The following CDC42BPB variants were observed in gnomAD, a reference collection of about 807,000 sequenced individuals.
CDC42BPB encodes CDC42 binding protein kinase beta.
Under a neutral mutation model 214.9 loss-of-function variants are expected in CDC42BPB, and 37 were observed. The ratio of observed to expected loss-of-function variants is 0.17; its 90% CI spans 0.13 to 0.23. The LOEUF is 0.23. Among genes scored for constraint, CDC42BPB ranks in the 10% least tolerant of loss-of-function variants. CDC42BPB has a pLI of 1.00. For synonymous variants in CDC42BPB, 931 were observed against 884.0 expected (o/e 1.05, Z -0.94); for missense variants, 1,694 against 2,227.0 (o/e 0.76, Z 4.82).
Position 103,016,749 on chromosome 14 carries a change from A to G in CDC42BPB, c.176-4561T>C, listed in dbSNP as rs1454529336. 3.3e-5 allele frequency among the ~76,000 whole-genome samples: 5 copies of G among 152,206 alleles called. No individual in the cohort carries two copies. In the East Asian group the frequency reaches 9.6e-4, roughly 29 times the overall value. On this transcript the variant is annotated intron_variant, in intron 1 of 36. Coordinates refer to ENST00000361246, the MANE Select transcript of CDC42BPB (RefSeq NM_006035.4). ...TGGTATGAACTTGCAGCTTCAATAT[A>G]GACAGACAGATACAGGGATAAACAC...
chr14:103,009,906 T>C (rs1408340433), intron 2 of CDC42BPB, among the ~76,000 whole-genome samples: 2 of 152,164 alleles, frequency 1.3e-5, no homozygotes, highest in African/African-American at 4.8e-5. Flanking sequence ...CTCTTGAAGG[T>C]GGAGGCAGGA....
At chr14:102,953,537 G>T (rs1213758286) in intron 23 of CDC42BPB, among the ~76,000 whole-genome samples, 2 of 152,244 alleles carry the variant, frequency 1.3e-5, no homozygotes, top group Non-Finnish European at 2.9e-5. Flanking sequence ...CAGAGGCCGT[G>T]TCTACATTAA....
chr14:102,990,794 C>T (rs1451913406), intron 5 of CDC42BPB, among the ~76,000 whole-genome samples: 1 of 152,186 alleles, frequency 6.6e-6, no homozygotes, highest in Non-Finnish European at 1.5e-5. Flanking sequence ...AGCGCAAACA[C>T]AGGAGTCGGC....
intron 26 of CDC42BPB, among the ~76,000 whole-genome samples, chr14:102,949,253 G>C (rs750036486): frequency 1.3e-5 from 2 of 152,172 alleles, no homozygotes; most frequent in Admixed American, 1.3e-4. Context: ...ACTCTAAGAG[G>C]AAGTGGGAAG....
In CDC42BPB at chr14:102,943,790, A is replaced by T; in HGVS notation, c.4408+101T>A. On this transcript the variant is annotated intron_variant, in intron 30 of 36. Coordinates refer to ENST00000361246, the MANE Select transcript of CDC42BPB (RefSeq NM_006035.4). The surrounding 1 kb of genome is among the most constrained non-coding windows in gnomAD (Gnocchi z 4.6). ...CTCTCCCGATGCTCTGTGACTACTC[A>T]ACTAAGGGACTGGAAGACAAACCAA... is the stretch of plus-strand genomic sequence containing the variant. 1 of 1,056,748 alleles carries T rather than the reference A, an allele frequency of 9.5e-7. No homozygotes were observed. The highest frequency in any genetic ancestry group is 1.4e-6 in the Non-Finnish European group (1 of 727,550). The allele number at this position is 1,056,748 out of a possible 1,614,324, so 65.5% of individuals were successfully genotyped here. A position where few individuals can be genotyped will look rare whatever the true frequency, so the allele number is the denominator to read the frequency against.
chr14:102,999,522 CAATT>C (rs776859222), intron 5 of CDC42BPB, 39 bp downstream of exon 5: 6 of 1,603,966 alleles, frequency 3.7e-6, no homozygotes, highest in Non-Finnish European at 4.3e-6. Flanking sequence ...AGTCTTTTAA[CAATT>C]AAACGTGGTT....
chr14:103,054,396 T>G (rs1288286950), intron 1 of CDC42BPB, among the ~76,000 whole-genome samples: 1 of 152,220 alleles, frequency 6.6e-6, no homozygotes, highest in Non-Finnish European at 1.5e-5. Flanking sequence ...CATGGAGTGG[T>G]GAATCCAAAA....
intron 17 of CDC42BPB, 27 bp from the exon 18 acceptor site, chr14:102,966,414 T>C (rs780664855): frequency 6.2e-7 from 1 of 1,610,426 alleles, no homozygotes; most frequent in South Asian, 1.1e-5. Context: ...ATGTTCTATC[T>C]CACGAAGCAT....
chr14:103,001,186 C>G lies in CDC42BPB; in HGVS notation c.448-1473G>C, dbSNP rs1894961941. ...CAAGGGCAGCCCCAGCCTCCCCGCC[C>G]TGGCTCAGGCACTGCCCGTCCTTCC... On this transcript the variant is annotated intron_variant, in intron 4 of 36. Coordinates refer to ENST00000361246, the MANE Select transcript of CDC42BPB (RefSeq NM_006035.4). This position sits in a 1 kb window ranked among gnomAD's most constrained non-coding sequence, Gnocchi z 5.8. Among the ~76,000 whole-genome samples the G allele has an allele frequency of 6.6e-6, 1 of 152,204 alleles. No homozygotes were observed. Among genetic ancestry groups the G allele is most frequent in the South Asian group, 2.1e-4 (1 of 4,828 alleles).
At chr14:102,939,577 G>A (rs1891796915) in intron 34 of CDC42BPB, 33 bp downstream of exon 34, 2 of 1,483,852 alleles carry the variant, frequency 1.3e-6, no homozygotes, top group Admixed American at 1.7e-5. Context: ...GAGATGGGGT[G>A]CCCTGCCCGC....
Position 103,014,354 on chromosome 14 carries a change from C to T in CDC42BPB, c.176-2166G>A, listed in dbSNP as rs1248183249. On this transcript the variant is annotated intron_variant, in intron 1 of 36. Transcript: ENST00000361246. ...TCTCTCTTGCACCTGTCTCTATTTT[C>T]ACCTTCAAGCCCAAATCTGCATGTT... Among the ~76,000 whole-genome samples, 5 of 152,316 alleles carry T rather than the reference C, an allele frequency of 3.3e-5. No individual in the cohort carries two copies. In the South Asian group the frequency reaches 8.3e-4, roughly 25 times the overall value.
chr14:102,973,444 T>A (rs1893576180), intron 12 of CDC42BPB, among the ~76,000 whole-genome samples: 1 of 152,204 alleles, frequency 6.6e-6, no homozygotes. Flanking sequence ...TTACTAAAAA[T>A]GAAATTTATA....
intron 12 of CDC42BPB, 115 bp downstream of exon 12, chr14:102,973,901 A>C (rs1595482744): frequency 7.7e-7 from 1 of 1,301,274 alleles, no homozygotes; most frequent in African/African-American, 1.5e-5. Context: ...TGCATGCAGC[A>C]GGGACAGCCC....
chr14:103,056,931 T>TGGGGATGCGCGGGCTGGGGCGC, intron 1 of CDC42BPB, 68 bp downstream of exon 1: 2 of 1,014,802 alleles, frequency 2.0e-6, no homozygotes, highest in Non-Finnish European at 2.5e-6. Flanking sequence ...TGGGCGGGCG[T>TGGGGATGCGCGGGCTGGGGCGC]GGGGATGCGC....
chr14:102,971,905 A>C lies in CDC42BPB; in HGVS notation c.1884+14T>G. 1 of 1,613,174 alleles carries C rather than the reference A, an allele frequency of 6.2e-7. No homozygotes were observed. The highest frequency in any genetic ancestry group is 8.5e-7 in the Non-Finnish European group (1 of 1,179,320). ...GTCCAGTCGATACCATCCCTGAACC[A>C]TCTCCACAGCTACCTCTTTCCTGAG... On this transcript the variant is annotated intron_variant, in intron 13 of 36. Coordinates refer to ENST00000361246, the MANE Select transcript of CDC42BPB (RefSeq NM_006035.4).
At chr14:103,021,786 C>T (rs558733193) in intron 1 of CDC42BPB, among the ~76,000 whole-genome samples, 8 of 152,010 alleles carry the variant, frequency 5.3e-5, no homozygotes, top group African/African-American at 1.9e-4. Context: ...GAGCGGGGGT[C>T]GTGTGGTACA....
chr14:103,034,047 T>A (rs937844166), intron 1 of CDC42BPB, among the ~76,000 whole-genome samples: 3 of 152,228 alleles, frequency 2.0e-5, no homozygotes, highest in African/African-American at 7.2e-5. Flanking sequence ...TCTGTCTCCA[T>A]CTCCTGCATC....
intron 20 of CDC42BPB, among the ~76,000 whole-genome samples, chr14:102,960,546 G>A (rs1434453810): frequency 2.6e-5 from 4 of 152,136 alleles, no homozygotes; most frequent in African/African-American, 7.2e-5. Flanking sequence ...CACTTGAGCT[G>A]GGGAGATTGA....
chr14:103,044,606 T>G (rs1261885617), intron 1 of CDC42BPB, among the ~76,000 whole-genome samples: 1 of 151,954 alleles, frequency 6.6e-6, no homozygotes. Flanking sequence ...CCTGACCTCA[T>G]GATCCGCCAG....
Sources: gnomAD v4.1 joint callset for allele counts (sites outside exome capture counted in the v4.1 genomes callset) on GRCh38, gnomAD v4.1.1 for gene constraint, Gnocchi (gnomAD v3.1) non-coding constraint, MANE v1.5 for transcripts, NCBI Gene and HGNC (gene_info 2026-07-23, HGNC 2026-07-21) for gene names.